The following MAPK8 variants were observed in gnomAD, a reference collection of about 807,000 sequenced individuals.
MAPK8 encodes mitogen-activated protein kinase 8.
Under a neutral mutation model 52.9 loss-of-function variants are expected in MAPK8, and 13 were observed. That is an observed-to-expected ratio of 0.25 (90% CI 0.16 to 0.39). The LOEUF is 0.39. Ranked by LOEUF, MAPK8 falls within the 10% of genes least tolerant of loss-of-function variation. MAPK8 has a pLI of 1.00. For synonymous variants in MAPK8, 191 were observed against 169.8 expected, an observed-to-expected ratio of 1.12 and a Z score of -0.97; for missense variants, 300 against 519.2, an observed-to-expected ratio of 0.58 and a Z score of 4.10.
intron 1 of MAPK8, among the ~76,000 whole-genome samples, chr10:48,321,854 G>A (rs1843028065): frequency 6.6e-6 from 1 of 152,086 alleles, no homozygotes; most frequent in Non-Finnish European, 1.5e-5. Flanking sequence ...TGATCTATGT[G>A]TCTATTCTTA....
intron 6 of MAPK8, among the ~76,000 whole-genome samples, chr10:48,422,386 A>C (rs1178731295): frequency 6.6e-6 from 1 of 152,184 alleles, no homozygotes; most frequent in Non-Finnish European, 1.5e-5. Context: ...CAGGCTACTC[A>C]GAGCATTTTG....
chr10:48,358,458 G>T (rs575034363), intron 1 of MAPK8, among the ~76,000 whole-genome samples: 4 of 152,258 alleles, frequency 2.6e-5, no homozygotes, highest in Admixed American at 6.5e-5. Flanking sequence ...GCTGTTTTGG[G>T]TTTGTCTTTT....
chr10:48,408,788 C>G (rs2042597028), intron 3 of MAPK8, among the ~76,000 whole-genome samples: 1 of 152,152 alleles, frequency 6.6e-6, no homozygotes, highest in Non-Finnish European at 1.5e-5. Context: ...TTATTTCTCA[C>G]AATTCTGTAG....
chr10:48,365,755 G>T (rs1301401638), intron 1 of MAPK8, among the ~76,000 whole-genome samples: 2 of 152,124 alleles, frequency 1.3e-5, no homozygotes, highest in Non-Finnish European at 2.9e-5. Context: ...GTACCTAAAT[G>T]ATATTTTAGA....
At chr10:48,411,570 T>G (rs2042748219) in intron 5 of MAPK8, among the ~76,000 whole-genome samples, 1 of 152,212 alleles carries the variant, frequency 6.6e-6, no homozygotes, top group Non-Finnish European at 1.5e-5. Context: ...TCCAGCTTTA[T>G]TCTTTTACAA....
At chr10:48,426,649 C>T (rs2043702544) in intron 9 of MAPK8, 145 bp downstream of exon 9, 3 of 744,060 alleles carry the variant, frequency 4.0e-6, no homozygotes, top group Admixed American at 6.6e-5. Flanking sequence ...AAGACTACGT[C>T]AAATAAACTA....
intron 1 of MAPK8, among the ~76,000 whole-genome samples, chr10:48,321,087 GA>G (rs1842949723): frequency 7.8e-6 from 1 of 127,898 alleles, no homozygotes; most frequent in African/African-American, 3.0e-5. Context: ...TACGTTGTAA[GA>G]GTTTTTTTTT....
At position 48,363,957 on chromosome 10, in the gene MAPK8, TTTAAG is replaced by T. The variant is rs1396004100; in HGVS notation, c.-49-37651_-49-37647del. On this transcript the variant is annotated intron_variant, in intron 1 of 11. Transcript: ENST00000374189. ...TGCTTAGAAGATTTTGTTTTTTGCT[TTTAAG>T]TTATTTTAGACTTTAATTCAATTGC... is the stretch of plus-strand genomic sequence containing the variant. Among the ~76,000 whole-genome samples, 4 of 152,338 alleles carry T rather than the reference TTTAAG, an allele frequency of 2.6e-5. No homozygotes were observed. The East Asian group carries it at 5.8e-4, about 22-fold the overall frequency.
intron 1 of MAPK8, among the ~76,000 whole-genome samples, chr10:48,324,503 G>GTTTTTTTTTTTTTGTTTTTTTTTTTTTT (rs529248037): frequency 7.6e-5 from 9 of 118,016 alleles, no homozygotes; most frequent in African/African-American, 3.2e-4. Context: ...CTGTTTTCTA[G>GTTTTTTTTTTTTTGTTTTTTTTTTTTTT]TTTTTTTTTT....
At chr10:48,313,526 T>C (rs1026593255) in intron 1 of MAPK8, among the ~76,000 whole-genome samples, 3 of 145,318 alleles carry the variant, frequency 2.1e-5, no homozygotes, top group Non-Finnish European at 4.4e-5. Flanking sequence ...TGAATAAAGA[T>C]TATAAAATCT....
intron 2 of MAPK8, 109 bp from the exon 3 acceptor site, chr10:48,404,743 A>G (rs910554340): frequency 2.6e-6 from 2 of 765,374 alleles, no homozygotes; most frequent in South Asian, 2.0e-5. Context: ...GAAGGGATCC[A>G]GTTACTTGTC....
intron 1 of MAPK8, among the ~76,000 whole-genome samples, chr10:48,395,180 A>G (rs1345184150): frequency 6.6e-6 from 1 of 152,036 alleles, no homozygotes; most frequent in Non-Finnish European, 1.5e-5. Flanking sequence ...TTTATATAAA[A>G]ATACAAAGGA....
At chr10:48,342,932 A>G (rs764659730) in intron 1 of MAPK8, among the ~76,000 whole-genome samples, 1 of 152,200 alleles carries the variant, frequency 6.6e-6, no homozygotes, top group Non-Finnish European at 1.5e-5. Context: ...TAGCCAGAGC[A>G]AAGGAATATA....
intron 7 of MAPK8, chr10:48,424,466 T>A (rs758752658): frequency 1.1e-5 from 13 of 1,224,340 alleles, no homozygotes; most frequent in Non-Finnish European, 1.4e-5. Context: ...TTTTTTTTTT[T>A]ATTTTAACCA....
At chr10:48,428,897 T>C (rs978416438) in intron 10 of MAPK8, among the ~76,000 whole-genome samples, 11 of 151,750 alleles carry the variant, frequency 7.2e-5, no homozygotes, top group African/African-American at 2.7e-4. Context: ...CATGGCTCAC[T>C]GCAGCATCAA....
chr10:48,357,173 C>A (rs367640843), intron 1 of MAPK8, among the ~76,000 whole-genome samples: 5 of 152,098 alleles, frequency 3.3e-5, no homozygotes, highest in African/African-American at 1.2e-4. Context: ...ACTGATAGAA[C>A]AAGCAGAGAA....
chr10:48,424,577 G>C, intron 7 of MAPK8: 1 of 1,590,380 alleles, frequency 6.3e-7, no homozygotes, highest in Non-Finnish European at 8.5e-7. Flanking sequence ...TTGTTCCCAG[G>C]TACAGATCGT....
At chr10:48,385,406 T>C (rs2041252262) in intron 1 of MAPK8, among the ~76,000 whole-genome samples, 1 of 152,208 alleles carries the variant, frequency 6.6e-6, no homozygotes, top group African/African-American at 2.4e-5. Context: ...CAGGCAGTCA[T>C]GTTATGTTTA....
intron 1 of MAPK8, among the ~76,000 whole-genome samples, chr10:48,355,609 A>G (rs1189435512): frequency 1.3e-5 from 2 of 152,194 alleles, no homozygotes; most frequent in Admixed American, 6.5e-5. Flanking sequence ...CAAGCATTCA[A>G]GAGAAACAGT....
Sources: allele counts gnomAD v4.1 joint callset (sites outside exome capture counted in the v4.1 genomes callset), GRCh38; gene constraint gnomAD v4.1.1; transcripts MANE v1.5; gene names NCBI Gene and HGNC (gene_info 2026-07-23, HGNC 2026-07-21).